COL19A1: variants seen among roughly 807,000 people sequenced by gnomAD.
The protein encoded by COL19A1 is collagen type XIX alpha 1 chain.
COL19A1 carries 159 observed loss-of-function variants against 190.2 expected under a neutral mutation model. The observed-to-expected ratio is 0.84, with a 90% CI of 0.73 to 0.95. COL19A1 has a LOEUF of 0.95. Among genes scored for constraint, COL19A1 ranks in the 40% least tolerant of loss-of-function variants. The pLI is 0.00. For missense variants in COL19A1, 1,418 were observed against 1,431.9 expected, an observed-to-expected ratio of 0.99 and a Z score of 0.16; for synonymous variants, 509 against 458.9, an observed-to-expected ratio of 1.11 and a Z score of -1.39.
chr6:70,206,435 C>T (rs931025787), intron 49 of COL19A1, among the ~76,000 whole-genome samples: 5 of 152,100 alleles, frequency 3.3e-5, no homozygotes, highest in African/African-American at 1.2e-4. Context: ...TCGAGACTAG[C>T]CTGGCCAACA....
At chr6:70,056,237 T>C (rs1314411760) in intron 14 of COL19A1, among the ~76,000 whole-genome samples, 1 of 152,188 alleles carries the variant, frequency 6.6e-6, no homozygotes, top group East Asian at 1.9e-4. Flanking sequence ...TTTTGTTTTG[T>C]TTTTTCACTT....
chr6:70,122,958 C>G (rs1019601819), intron 17 of COL19A1, among the ~76,000 whole-genome samples: 4 of 151,988 alleles, frequency 2.6e-5, no homozygotes, highest in African/African-American at 9.7e-5. Flanking sequence ...AAATTATCTC[C>G]TTTATTTAGG....
At chr6:70,139,897 T>G (rs1475482352) in intron 19 of COL19A1, among the ~76,000 whole-genome samples, 62 of 151,244 alleles carry the variant, frequency 4.1e-4, no homozygotes. Flanking sequence ...ATCAAGTATC[T>G]AGACAACTAG....
At chr6:70,131,027 C>T (rs59667029) in intron 18 of COL19A1, 5,403 of 459,308 alleles carry the variant, frequency 0.012, 122 homozygotes, top group African/African-American at 0.064. Flanking sequence ...GATAAATTTC[C>T]GTTGCATTCC....
chr6:70,058,871 A>C (rs1218342647), intron 14 of COL19A1, among the ~76,000 whole-genome samples: 5 of 152,020 alleles, frequency 3.3e-5, no homozygotes, highest in African/African-American at 1.2e-4. Flanking sequence ...ACTATATATT[A>C]TATTTTTACT....
At chr6:69,910,252 C>T (rs1406235277) in intron 4 of COL19A1, among the ~76,000 whole-genome samples, 1 of 152,122 alleles carries the variant, frequency 6.6e-6, no homozygotes, top group Non-Finnish European at 1.5e-5. Context: ...TATAATACCA[C>T]CTTACATTTA....
chr6:70,082,547 G>A (rs1247486199), intron 15 of COL19A1, among the ~76,000 whole-genome samples: 2 of 152,136 alleles, frequency 1.3e-5, no homozygotes, highest in South Asian at 2.1e-4. Context: ...CAAGTAGCTG[G>A]GACTAGAGGT....
chr6:70,161,659 C>T (rs1166269031), intron 34 of COL19A1, among the ~76,000 whole-genome samples: 1 of 152,092 alleles, frequency 6.6e-6, no homozygotes, highest in African/African-American at 2.4e-5. Flanking sequence ...ACTAAAATCG[C>T]AGACTTCACC....
chr6:70,146,393 C>T (rs1786647838), intron 25 of COL19A1, among the ~76,000 whole-genome samples: 1 of 152,042 alleles, frequency 6.6e-6, no homozygotes, highest in Non-Finnish European at 1.5e-5. Flanking sequence ...TGTTTTTCAT[C>T]TCCTTTGAAC....
intron 11 of COL19A1, among the ~76,000 whole-genome samples, chr6:70,018,780 T>C (rs978291): frequency 0.14 from 20,653 of 152,062 alleles, 1,422 homozygotes; most frequent in East Asian, 0.2. Flanking sequence ...CTACTGGAAA[T>C]CCTCTGAGGA....
rs1356088875 is a variant in COL19A1 at position 70,212,185 on chromosome 6, A to G, written c.*4911A>G. On this transcript the variant is annotated 3_prime_UTR_variant, in exon 51 of 51. Transcript: ENST00000620364. ...TTTGGAGATAAATGTTTTTCAGCACATTAATGTCTTTAAATTCAGGTTGTA... is the reference window on the plus strand; with the variant it reads ...TTTGGAGATAAATGTTTTTCAGCACGTTAATGTCTTTAAATTCAGGTTGTA... 3.3e-5 allele frequency among the ~76,000 whole-genome samples: 5 copies of G among 152,326 alleles called. No individual in the cohort carries two copies. In the East Asian group the frequency reaches 9.6e-4, roughly 29 times the overall value.
chr6:70,010,238 T>G (rs1777903711), intron 11 of COL19A1, among the ~76,000 whole-genome samples: 4 of 152,140 alleles, frequency 2.6e-5, no homozygotes, highest in African/African-American at 9.7e-5. Context: ...TTAAAATGAG[T>G]ATGATTGTAA....
intron 15 of COL19A1, among the ~76,000 whole-genome samples, chr6:70,084,167 G>T (rs766829412): frequency 4.6e-5 from 7 of 152,082 alleles, no homozygotes; most frequent in African/African-American, 1.4e-4. Flanking sequence ...ATAGATTTAG[G>T]TATGTGGACA....
intron 4 of COL19A1, among the ~76,000 whole-genome samples, chr6:69,921,187 C>CAT (rs540804280): frequency 1.6e-5 from 2 of 128,962 alleles, no homozygotes; most frequent in African/African-American, 5.7e-5. Context: ...CACATATATT[C>CAT]ATATATATAT....
chr6:69,938,169 TCTC>T, intron 9 of COL19A1, 69 bp downstream of exon 9: 1 of 1,391,562 alleles, frequency 7.2e-7, no homozygotes, highest in East Asian at 2.3e-5. Context: ...AATGTGTTCA[TCTC>T]ATTTTTCTTT....
intron 49 of COL19A1, among the ~76,000 whole-genome samples, chr6:70,200,096 A>G (rs1767460317): frequency 6.6e-6 from 1 of 152,204 alleles, no homozygotes; most frequent in Non-Finnish European, 1.5e-5. Flanking sequence ...GTGTAAGTTA[A>G]GCAAGTCTCC....
intron 15 of COL19A1, among the ~76,000 whole-genome samples, chr6:70,073,482 G>T (rs1781681527): frequency 6.6e-6 from 1 of 152,180 alleles, no homozygotes; most frequent in African/African-American, 2.4e-5. Context: ...TTATAGAAGG[G>T]AATGTAGGTA....
Position 70,184,610 on chromosome 6 carries a change from T to A in COL19A1, c.2776-93T>A. 3.1e-6 allele frequency: 3 copies of A among 965,574 alleles called. No individual in the cohort carries two copies. The South Asian group carries it at 5.1e-5, about 16-fold the overall frequency. The allele number at this position is 965,574 out of a possible 1,614,324, so 59.8% of individuals were successfully genotyped here. On this transcript the variant is annotated intron_variant, in intron 44 of 50. Coordinates refer to ENST00000620364, the MANE Select transcript of COL19A1 (RefSeq NM_001858.6). ...CTTTACCAAGCTCTCAGTAGAAATA[T>A]GATTAAGGAACTGTCCTCGAAACCT...
intron 15 of COL19A1, among the ~76,000 whole-genome samples, chr6:70,069,558 T>C (rs1005884042): frequency 4.6e-5 from 7 of 152,112 alleles, no homozygotes; most frequent in African/African-American, 1.7e-4. Flanking sequence ...ATACATGTGG[T>C]CTTACTTAGG....
Sources: gnomAD v4.1 joint callset for allele counts (sites outside exome capture counted in the v4.1 genomes callset) on GRCh38, gnomAD v4.1.1 for gene constraint, MANE v1.5 for transcripts, NCBI Gene and HGNC (gene_info 2026-07-23, HGNC 2026-07-21) for gene names.